PUDP: variants seen among roughly 807,000 people sequenced by gnomAD.
PUDP encodes the protein pseudouridine-5'-phosphatase.
In PUDP, 8 loss-of-function variants were observed where a neutral mutation model predicts 9.4. That is an observed-to-expected ratio of 0.85 (90% CI 0.50 to 1.53). The LOEUF (loss-of-function observed/expected upper bound fraction) is 1.53. Ranked by LOEUF, PUDP falls within the 40% of genes most tolerant of loss-of-function variation. The pLI, the probability that PUDP is intolerant of heterozygous loss-of-function variation, is 0.00. For missense variants in PUDP, 188 were observed against 189.7 expected (o/e 0.99, Z 0.05); for synonymous variants, 99 against 80.7 (o/e 1.23, Z -1.22).
intron 3 of PUDP, among the ~76,000 whole-genome samples, chrX:7,053,923 C>T (rs116452056): frequency 0.016 from 1,800 of 111,839 alleles, 34 homozygotes; most frequent in African/African-American, 0.052. Context: ...ATGGCTTTCA[C>T]GTTTTGCTGG....
chrX:7,125,677 T>C (rs1330825731), intron 1 of PUDP, among the ~76,000 whole-genome samples: 1 of 111,924 alleles, frequency 8.9e-6, no homozygotes, highest in African/African-American at 3.2e-5. Flanking sequence ...AAAAGAGGCT[T>C]AATGGACTCA....
rs925481261 is a variant in PUDP, at chrX:6,735,399, TA to T, written c.*248-28934del. ...TGAAGGAAAACGTTTTGCCTCAACATAAAAAAAAAAATGTTATGAGGTCATT... is the reference window on the plus strand; with the variant it reads ...TGAAGGAAAACGTTTTGCCTCAACATAAAAAAAAAATGTTATGAGGTCATT... On this transcript the variant is annotated intron_variant and NMD_transcript_variant, in intron 3 of 3. Transcript: ENST00000655425. Among the ~76,000 whole-genome samples, 784 of 102,712 alleles carry T rather than the reference TA, an allele frequency of 7.6e-3. 5 individuals are homozygous for T. The highest frequency in any genetic ancestry group is 0.024 in the African/African-American group (674 of 28,461). The allele number at this position is 102,712 out of a possible 115,157, so 89.2% of individuals were successfully genotyped here.
intron 3 of PUDP, among the ~76,000 whole-genome samples, chrX:6,950,891 T>C (rs1432283086): frequency 9.0e-6 from 1 of 111,207 alleles, no homozygotes; most frequent in African/African-American, 3.3e-5. Context: ...GACTGACCTT[T>C]CCTTCAGTAA....
intron 3 of PUDP, among the ~76,000 whole-genome samples, chrX:6,782,579 T>TAATAA (rs751393838): frequency 9.1e-6 from 1 of 110,273 alleles, no homozygotes; most frequent in Non-Finnish European, 1.9e-5. Context: ...CAAAATAAAA[T>TAATAA]AATAAAATAA....
intron 3 of PUDP, among the ~76,000 whole-genome samples, chrX:7,064,079 A>T (rs1930480291): frequency 8.9e-6 from 1 of 111,868 alleles, no homozygotes; most frequent in African/African-American, 3.3e-5. Flanking sequence ...TACAGTCGTT[A>T]TTTTGAGCAT....
chrX:7,064,748 T>C (rs1188887045), intron 3 of PUDP, among the ~76,000 whole-genome samples: 1 of 111,900 alleles, frequency 8.9e-6, no homozygotes, highest in Non-Finnish European at 1.9e-5. Flanking sequence ...ACTATAGACA[T>C]GCAGCTCAAA....
intron 3 of PUDP, among the ~76,000 whole-genome samples, chrX:6,854,557 AACT>A (rs1420808884): frequency 3.6e-5 from 4 of 112,281 alleles, no homozygotes; most frequent in Admixed American, 1.9e-4. Context: ...CCAAAAACTT[AACT>A]ACTAACAGCT....
Position 7,148,066 on chromosome X carries a change from G to A in PUDP, c.48C>T (p.Asp16=). 8.8e-7 allele frequency: 1 copy of A among 1,138,589 alleles called. No individual in the cohort carries two copies. The highest frequency in any genetic ancestry group is 1.2e-6 in the Non-Finnish European group (1 of 857,458). 93.8% of individuals were successfully genotyped at this position (1,138,589 alleles called of 1,213,427 possible). Residue 16 remains aspartate, a synonymous_variant, in exon 1 of 4, where the codon GAC becomes GAT. Coordinates refer to ENST00000381077, the MANE Select transcript of PUDP (RefSeq NM_012080.5). The stretch of plus-strand genomic sequence containing the variant: ...CACACTACCCACCCAGAAGAAGTCC[G>A]TCCATGTCAAAGATGAGGTGGGTGA... ...QPVTHLIFDM[D]GLLLDTERLY...
At chrX:6,957,503 TCA>T (rs1312223449) in intron 3 of PUDP, among the ~76,000 whole-genome samples, 1 of 111,916 alleles carries the variant, frequency 8.9e-6, no homozygotes, top group African/African-American at 3.2e-5. Context: ...TGCCAGCCTC[TCA>T]GTCTTGAACT....
At chrX:6,927,573 G>A (rs1012908764) in intron 3 of PUDP, among the ~76,000 whole-genome samples, 21 of 111,778 alleles carry the variant, frequency 1.9e-4, no homozygotes, top group South Asian at 3.7e-4. Flanking sequence ...CTCAGGTGCT[G>A]TGCCCATAGC....
intron 3 of PUDP, among the ~76,000 whole-genome samples, chrX:7,066,395 C>T (rs1310730631): frequency 1.8e-5 from 2 of 111,318 alleles, no homozygotes; most frequent in African/African-American, 3.3e-5. Context: ...GAACCGGTTT[C>T]GTAGAGGACA....
At chrX:7,111,326 C>A (rs1932042998) in intron 1 of PUDP, among the ~76,000 whole-genome samples, 1 of 111,577 alleles carries the variant, frequency 9.0e-6, no homozygotes. Context: ...CTCCTACCCT[C>A]ATGTTCATAC....
chrX:7,041,827 C>T (rs1929924917), intron 1 of PUDP, among the ~76,000 whole-genome samples: 1 of 106,401 alleles, frequency 9.4e-6, no homozygotes, highest in Non-Finnish European at 1.9e-5. Flanking sequence ...AGGTGACCCT[C>T]ATATCATCTC....
At chrX:7,000,417 A>T (rs1929309469) in intron 1 of PUDP, among the ~76,000 whole-genome samples, 1 of 111,140 alleles carries the variant, frequency 9.0e-6, no homozygotes. Context: ...AATTCTCACA[A>T]ACAATCCACA....
chrX:6,785,617 A>C (rs58402777), intron 3 of PUDP, among the ~76,000 whole-genome samples: 24,094 of 110,242 alleles, frequency 0.22, 2,577 homozygotes, highest in African/African-American at 0.4. Context: ...AAAAAAAAAA[A>C]CACTTTAATT....
chrX:6,727,374 C>T (rs769289619), intron 3 of PUDP, among the ~76,000 whole-genome samples: 1 of 111,633 alleles, frequency 9.0e-6, no homozygotes, highest in African/African-American at 3.2e-5. Context: ...TGTATAAAAT[C>T]CATGCTTAAA....
At chrX:7,050,830 TGC>T (rs2146836725) in intron 3 of PUDP, among the ~76,000 whole-genome samples, 1 of 112,404 alleles carries the variant, frequency 8.9e-6, no homozygotes, top group Admixed American at 9.4e-5. Flanking sequence ...GAGAGGCAAT[TGC>T]AAAACTAAAA....
chrX:7,053,166 G>C (rs1050456495), intron 3 of PUDP, among the ~76,000 whole-genome samples: 2 of 105,512 alleles, frequency 1.9e-5, no homozygotes, highest in East Asian at 6.1e-4. Context: ...CTGGGGTAGA[G>C]GAAGAGATGG....
intron 3 of PUDP, among the ~76,000 whole-genome samples, chrX:6,923,637 G>A (rs1028438377): frequency 9.9e-5 from 11 of 111,199 alleles, no homozygotes; most frequent in Admixed American, 1.9e-4. Flanking sequence ...CCAGGACATC[G>A]CCCTGGTCTT....
Sources: allele counts gnomAD v4.1 joint callset (sites outside exome capture counted in the v4.1 genomes callset), GRCh38; gene constraint gnomAD v4.1.1; transcripts MANE v1.5; gene names NCBI Gene and HGNC (gene_info 2026-07-23, HGNC 2026-07-21).